CFAP46: variants seen among roughly 807,000 people sequenced by gnomAD.
CFAP46 encodes cilia- and flagella-associated protein 46.
In CFAP46, 245 loss-of-function variants were observed where a neutral mutation model predicts 325.7. The observed-to-expected ratio is 0.75, with a 90% CI of 0.68 to 0.84. The LOEUF is 0.84. Among genes scored for constraint, CFAP46 ranks in the 40% least tolerant of loss-of-function variants. The probability of loss-of-function intolerance (pLI) is 0.00; values close to 1 mark genes in which losing one functional copy is unlikely to be tolerated. For synonymous variants in CFAP46, 1,523 were observed against 1,495.9 expected, an observed-to-expected ratio of 1.02 and a Z score of -0.42; for missense variants, 3,346 against 3,543.0, an observed-to-expected ratio of 0.94 and a Z score of 1.41.
intron 44 of CFAP46, among the ~76,000 whole-genome samples, chr10:132,840,636 G>C (rs1221981989): frequency 6.6e-6 from 1 of 152,196 alleles, no homozygotes; most frequent in Non-Finnish European, 1.5e-5. Flanking sequence ...CTCTAAGTCA[G>C]TTTAAGTCTA....
At chr10:132,848,011 T>C (rs554365225) in intron 41 of CFAP46, among the ~76,000 whole-genome samples, 3 of 152,060 alleles carry the variant, frequency 2.0e-5, no homozygotes, top group East Asian at 2.0e-4. Context: ...CTGCCTGACA[T>C]GCACGGAGCC....
At position 132,859,225 on chromosome 10, in the gene CFAP46, C is replaced by G; in HGVS notation, c.5221G>C (p.Val1741Leu). 6.5e-7 allele frequency: 1 copy of G among 1,549,528 alleles called. No homozygotes were observed. The change falls in exon 38 of 58, where the codon GTT becomes CTT. Residue 1741 changes from valine (V) to leucine (L), a missense_variant. By Grantham distance (32) the Val-to-Leu change is conservative. Coordinates refer to ENST00000368586, the MANE Select transcript of CFAP46 (RefSeq NM_001200049.3). ...EARCLSLRVR[V>L]AQHSAVTEPT... ...TCAGTGACCGCTGAGTGCTGCGCAA[C>G]TCTGACCCGCAGGCTCAGGCACCTG...
Position 132,836,134 on chromosome 10 carries a change from C to A in CFAP46, c.6613+8G>T. On this transcript the variant is annotated splice_region_variant and intron_variant, in intron 46 of 57. Coordinates refer to ENST00000368586, the MANE Select transcript of CFAP46 (RefSeq NM_001200049.3). ...CTCCCCCTCCCCCTCCCCTGCAGCC[C>A]TGCTCACCTCCCACCGCCTGCACCT... 6.2e-7 allele frequency: 1 copy of A among 1,602,614 alleles called. No homozygotes were observed.
At chr10:132,837,066 C>G in intron 44 of CFAP46, 152 bp from the exon 45 acceptor site, 1 of 613,138 alleles carries the variant, frequency 1.6e-6, no homozygotes, top group Non-Finnish European at 2.8e-6. Context: ...GGTGGGGGGC[C>G]CTGCTGGAAG....
intron 44 of CFAP46, among the ~76,000 whole-genome samples, chr10:132,841,175 C>T (rs951099659): frequency 6.6e-6 from 1 of 152,214 alleles, no homozygotes; most frequent in Non-Finnish European, 1.5e-5. Context: ...CCAGCAGCAA[C>T]TCAAAAGTCC....
At chr10:132,917,640 G>T (rs982048318) in intron 16 of CFAP46, among the ~76,000 whole-genome samples, 1 of 152,212 alleles carries the variant, frequency 6.6e-6, no homozygotes, top group African/African-American at 2.4e-5. Flanking sequence ...ATTCCCAAGA[G>T]AAATTTACAC....
intron 50 of CFAP46, among the ~76,000 whole-genome samples, chr10:132,824,509 GTGC>G (rs1249254924): frequency 9.0e-6 from 1 of 110,668 alleles, no homozygotes; most frequent in African/African-American, 3.8e-5. Context: ...GTGCTGATGT[GTGC>G]TGATGTGTGC....
At chr10:132,836,730 G>T in intron 45 of CFAP46, 87 bp downstream of exon 45, 2 of 1,119,442 alleles carry the variant, frequency 1.8e-6, no homozygotes, top group Non-Finnish European at 2.7e-6. Flanking sequence ...GTGGGGCTGA[G>T]GTGTGGGCAG....
At position 132,833,427 on chromosome 10, in the gene CFAP46, T is replaced by A. The variant is rs760119431; in HGVS notation, c.7048A>T (p.Thr2350Ser). 6.2e-7 allele frequency: 1 copy of A among 1,614,168 alleles called. No homozygotes were observed. Among genetic ancestry groups the A allele is most frequent in the South Asian group, 1.1e-5 (1 of 91,078 alleles). ...AATTCTCGTGACACAGAGGAAATTG[T>A]CCCTTCATCGAACACAGAGAGACCT... Reference protein sequence around the residue: ...LEGLSVFDEGTISSVSREFSL... With the variant: ...LEGLSVFDEGSISSVSREFSL... Residue 2350 changes from threonine (T) to serine (S), a missense_variant, in exon 50 of 58, where the codon ACA (threonine) becomes TCA (serine). Coordinates refer to ENST00000368586, the MANE Select transcript of CFAP46 (RefSeq NM_001200049.3).
In CFAP46 at chr10:132,817,206, C is replaced by T. The variant is rs912139862; in HGVS notation, c.7118-2292G>A. On this transcript the variant is annotated intron_variant, in intron 50 of 57. Transcript: ENST00000368586. The surrounding 1 kb of genome is among the most constrained non-coding windows in gnomAD (Gnocchi z 4.4). ...TCATACCTCTGAGGAGGCGAACTTTCGATTCTCATGATGTCCATGTCCCTA... is the reference window on the plus strand; with the variant it reads ...TCATACCTCTGAGGAGGCGAACTTTTGATTCTCATGATGTCCATGTCCCTA... 1.3e-5 allele frequency among the ~76,000 whole-genome samples: 2 copies of T among 152,170 alleles called. No individual in the cohort carries two copies. Among genetic ancestry groups the T allele is most frequent in the South Asian group, 2.1e-4 (1 of 4,828 alleles).
chr10:132,912,854 C>A, intron 18 of CFAP46, 34 bp from the exon 19 acceptor site: 1 of 1,543,392 alleles, frequency 6.5e-7, no homozygotes. Context: ...GAACCTTGGC[C>A]CCCGCAGGCC....
At chr10:132,912,052 C>T (rs1849547612) in intron 19 of CFAP46, among the ~76,000 whole-genome samples, 1 of 152,094 alleles carries the variant, frequency 6.6e-6, no homozygotes, top group Non-Finnish European at 1.5e-5. Flanking sequence ...AAGCTCAGCC[C>T]CAGCCTCCAG....
At chr10:132,824,963 T>G (rs1848010651) in intron 50 of CFAP46, among the ~76,000 whole-genome samples, 1 of 142,490 alleles carries the variant, frequency 7.0e-6, no homozygotes, top group Non-Finnish European at 1.5e-5. Context: ...GTGTGCTGTG[T>G]GAGTGCTGAT....
chr10:132,922,824 C>G, intron 11 of CFAP46, 116 bp from the exon 12 acceptor site: 1 of 791,492 alleles, frequency 1.3e-6, no homozygotes, highest in Non-Finnish European at 2.0e-6. Context: ...AGGCTTGGTG[C>G]CCGGTGCCCC....
At chr10:132,848,259 A>G (rs931729741) in intron 41 of CFAP46, among the ~76,000 whole-genome samples, 2 of 152,248 alleles carry the variant, frequency 1.3e-5, no homozygotes, top group Non-Finnish European at 2.9e-5. Flanking sequence ...AGAAATTGCA[A>G]TGGAATTTAT....
chr10:132,858,632 C>T (rs1349586777), intron 38 of CFAP46, among the ~76,000 whole-genome samples: 2 of 152,124 alleles, frequency 1.3e-5, no homozygotes, highest in African/African-American at 4.8e-5. Context: ...GGGCCACCTC[C>T]TGAGGTCAGG....
At chr10:132,898,517 C>T (rs1009760039) in intron 24 of CFAP46, 11 of 316,524 alleles carry the variant, frequency 3.5e-5, no homozygotes, top group South Asian at 1.4e-4. Context: ...CTCCACTCCC[C>T]GCCACCCCAC....
chr10:132,924,754 G>T lies in CFAP46; in HGVS notation c.1198C>A (p.Arg400=). The change falls in exon 11 of 58, where the codon CGG becomes AGG. Residue 400 remains arginine (R), a synonymous_variant. Coordinates refer to ENST00000368586, the MANE Select transcript of CFAP46 (RefSeq NM_001200049.3). The part of the protein sequence containing the change: ...TCLPLLQHNL[R]HHLRKPLAGV... The stretch of plus-strand genomic sequence containing the variant: ...GCCAGGGGCTTCCGCAGGTGGTGCC[G>T]CAGGTTGTGCTGCAGCAGGGGCAGG... The T allele has an allele frequency of 6.5e-7, 1 of 1,538,106 alleles. No individual in the cohort carries two copies. The highest frequency in any genetic ancestry group is 1.2e-5 in the South Asian group (1 of 83,094).
rs761884656 is a variant in CFAP46 at position 132,898,950 on chromosome 10, C to T, written c.3219+9G>A. 3.9e-6 allele frequency: 6 copies of T among 1,550,416 alleles called. No individual in the cohort carries two copies. The highest frequency in any genetic ancestry group is 2.7e-5 in the African/African-American group (2 of 73,060). ...TGGGAGTCAGGAGCCCCCTCCAGGG[C>T]TGGTGCACCTGCTTTCTGGCCTCTG... On this transcript the variant is annotated intron_variant, in intron 24 of 57. Transcript: ENST00000368586.
Sources: gnomAD v4.1 joint callset for allele counts (sites outside exome capture counted in the v4.1 genomes callset) on GRCh38, gnomAD v4.1.1 for gene constraint, Gnocchi (gnomAD v3.1) non-coding constraint, MANE v1.5 for transcripts, NCBI Gene and HGNC (gene_info 2026-07-23, HGNC 2026-07-21) for gene names.